DUOX1: variants seen among roughly 807,000 people sequenced by gnomAD.
DUOX1 encodes the protein NADPH thyroid oxidase 1.
DUOX1 carries 134 observed loss-of-function variants against 181.8 expected under a neutral mutation model. That is an observed-to-expected ratio of 0.74 (90% CI 0.64 to 0.85). The LOEUF (loss-of-function observed/expected upper bound fraction) is 0.85, where lower values mean the gene tolerates loss of function less well. Ranked by LOEUF, DUOX1 falls within the 40% of genes least tolerant of loss-of-function variation. DUOX1 has a pLI of 0.00. For missense variants in DUOX1, 1,814 were observed against 2,064.4 expected, an observed-to-expected ratio of 0.88 and a Z score of 2.35; for synonymous variants, 798 against 832.5, an observed-to-expected ratio of 0.96 and a Z score of 0.71.
chr15:45,139,381 G>A, intron 11 of DUOX1, 46 bp from the exon 12 acceptor site: 1 of 1,602,636 alleles, frequency 6.2e-7, no homozygotes, highest in Non-Finnish European at 8.5e-7. Flanking sequence ...GGACACTGCT[G>A]TGGTGGCCCT....
chr15:45,133,913 C>T lies in DUOX1; in HGVS notation c.108C>T (p.Tyr36=), dbSNP rs1013865936. The change falls in exon 3 of 34, where the codon TAC becomes TAT. Residue 36 remains tyrosine (Y), a synonymous_variant. Coordinates refer to ENST00000389037, the MANE Select transcript of DUOX1 (RefSeq NM_175940.3). ...AGGTGCAGCGATTTGATGGGTGGTA[C>T]AACAACCTCATGGAGCACAGATGGG... ...SWEVQRFDGW[Y]NNLMEHRWGS... 1.9e-6 allele frequency: 3 copies of T among 1,613,832 alleles called. No homozygotes were observed. In the African/African-American group the frequency reaches 4.0e-5, roughly 22 times the overall value.
rs1897159362 is a variant in DUOX1 at position 45,163,643 on chromosome 15, A to G, written c.4360A>G (p.Ile1454Val). Reference protein sequence around the residue: ...HQDLVSVHIYITQLAEKFDLR... With the variant: ...HQDLVSVHIYVTQLAEKFDLR... ...GGACCTGGTGTCTGTGCACATCTAC[A>G]TCACCCAGCTGGCTGAGAAGTTCGA... The change falls in exon 32 of 34, where the codon ATC (isoleucine) becomes GTC (valine). Residue 1454 changes from isoleucine (I) to valine (V), a missense_variant. Coordinates refer to ENST00000389037, the MANE Select transcript of DUOX1 (RefSeq NM_175940.3). 1.9e-6 allele frequency: 3 copies of G among 1,613,970 alleles called. No homozygotes were observed. The highest frequency in any genetic ancestry group is 2.5e-6 in the Non-Finnish European group (3 of 1,179,980).
intron 14 of DUOX1, 159 bp from the exon 15 acceptor site, chr15:45,141,816 G>A: frequency 3.0e-6 from 2 of 668,598 alleles, no homozygotes; most frequent in East Asian, 2.7e-5. Context: ...GATGGAGGTT[G>A]GGATTCATTT....
intron 24 of DUOX1, 56 bp downstream of exon 24, chr15:45,152,108 C>G: frequency 6.3e-7 from 1 of 1,585,328 alleles, no homozygotes; most frequent in Non-Finnish European, 8.6e-7. Flanking sequence ...GAGTGATCGC[C>G]CTGGGGGTGG....
At position 45,162,102 on chromosome 15, in the gene DUOX1, C is replaced by G. The variant is rs1897119720; in HGVS notation, c.4090-117C>G. 4.7e-6 allele frequency: 7 copies of G among 1,491,730 alleles called. No homozygotes were observed. In the East Asian group the frequency reaches 1.7e-4, roughly 35 times the overall value. The allele number at this position is 1,491,730 out of a possible 1,614,324, so 92.4% of individuals were successfully genotyped here. On this transcript the variant is annotated intron_variant, in intron 30 of 33. Transcript: ENST00000389037. ...AGACTGGTTGTTCCAGATAATGCCA[C>G]AAATCCTCCTCTTCCCCTCACTCCA...
intron 22 of DUOX1, 54 bp downstream of exon 22, chr15:45,150,755 C>G (rs150190327): frequency 1.9e-6 from 3 of 1,566,306 alleles, no homozygotes; most frequent in Non-Finnish European, 1.8e-6. Flanking sequence ...TGCCATTTCT[C>G]TCCCCTGAAT....
At chr15:45,152,544 C>A in intron 25 of DUOX1, 28 bp downstream of exon 25, 1 of 1,593,900 alleles carries the variant, frequency 6.3e-7, no homozygotes, top group Non-Finnish European at 8.6e-7. Context: ...CTGGGAGGCT[C>A]TCCAGGGCCT....
At position 45,152,484 on chromosome 15, in the gene DUOX1, G is replaced by A. The variant is rs749756685; in HGVS notation, c.3392G>A (p.Arg1131His). 4.3e-6 allele frequency: 7 copies of A among 1,613,972 alleles called. No homozygotes were observed. Among genetic ancestry groups the A allele is most frequent in the Admixed American group, 1.7e-5 (1 of 59,990 alleles). ...VPFDAAVDFH[R>H]LIASTAIVLT... is the part of the protein sequence containing the mutation. ...TTCGACGCCGCCGTGGACTTCCATC[G>A]CCTCATTGCCTCCACCGCCATCGTC... Residue 1131 changes from arginine to histidine, a missense_variant, in exon 25 of 34, where the codon CGC (arginine) becomes CAC (histidine). This residue lies in a region of DUOX1 where 1,064 missense variants were observed against 1,152.9 expected (regional missense o/e 0.92). Transcript: ENST00000389037.
intron 2 of DUOX1, among the ~76,000 whole-genome samples, chr15:45,133,100 C>A (rs1896196177): frequency 6.6e-6 from 1 of 152,230 alleles, no homozygotes; most frequent in African/African-American, 2.4e-5. Context: ...GATCCCTGCT[C>A]CATCCCTGAT....
chr15:45,133,553 C>A (rs781229847), intron 2 of DUOX1, among the ~76,000 whole-genome samples: 11 of 152,180 alleles, frequency 7.2e-5, no homozygotes, highest in Non-Finnish European at 1.3e-4. Flanking sequence ...GCATCCTATT[C>A]CCCATCACCA....
At position 45,141,403 on chromosome 15, in the gene DUOX1, G is replaced by T; in HGVS notation, c.1677G>T (p.Trp559Cys). The T allele has an allele frequency of 6.2e-7, 1 of 1,614,190 alleles. No individual in the cohort carries two copies. The highest frequency in any genetic ancestry group is 1.1e-5 in the South Asian group (1 of 91,088). The change falls in exon 14 of 34, where the codon TGG becomes TGT. Residue 559 changes from tryptophan to cysteine, a missense_variant. Coordinates refer to ENST00000389037, the MANE Select transcript of DUOX1 (RefSeq NM_175940.3). ...CTCTGCAGCCCAATGTCTTTGTCTG[G>T]CATAAAGGTGAGTGGCCAAGGGGTG... is the stretch of plus-strand genomic sequence containing the variant. Reference protein sequence around the residue: ...PSALQPNVFVWHKGDPCPQPR... With the variant: ...PSALQPNVFVCHKGDPCPQPR...
At chr15:45,164,726 T>C in intron 33 of DUOX1, 53 bp from the exon 34 acceptor site, 1 of 1,611,864 alleles carries the variant, frequency 6.2e-7, no homozygotes, top group Non-Finnish European at 8.5e-7. Context: ...GAACACTGCG[T>C]TATCCCTGCC....
Position 45,133,916 on chromosome 15 carries a change from C to T in DUOX1, c.111C>T (p.Asn37=). The change falls in exon 3 of 34, where the codon AAC becomes AAT. Residue 37 remains asparagine, a synonymous_variant. Transcript: ENST00000389037. Reference sequence around the variant, plus strand: ...TGCAGCGATTTGATGGGTGGTACAACAACCTCATGGAGCACAGATGGGGCA... The same window carrying T: ...TGCAGCGATTTGATGGGTGGTACAATAACCTCATGGAGCACAGATGGGGCA... The part of the protein sequence containing the change: ...WEVQRFDGWY[N]NLMEHRWGSK... 6.2e-7 allele frequency: 1 copy of T among 1,614,030 alleles called. No individual in the cohort carries two copies. The highest frequency in any genetic ancestry group is 8.5e-7 in the Non-Finnish European group (1 of 1,179,966).
At position 45,147,575 on chromosome 15, in the gene DUOX1, C is replaced by T. The variant is rs947570304; in HGVS notation, c.2465C>T (p.Ser822Phe). 1.2e-6 allele frequency: 2 copies of T among 1,614,016 alleles called. No individual in the cohort carries two copies. The highest frequency in any genetic ancestry group is 1.7e-6 in the Non-Finnish European group (2 of 1,179,998). The change falls in exon 19 of 34, where the codon TCC becomes TTC. Residue 822 changes from serine (S) to phenylalanine (F), a missense_variant. By Grantham distance (155) the Ser-to-Phe change is radical (BLOSUM62 -2). Transcript: ENST00000389037. ...AAGCCCCAGGACATGTTTGTGGAGT[C>T]CATGTTCTCTCTGGCTGACAAGGAT... ...GLKPQDMFVE[S>F]MFSLADKDGN... is the part of the protein sequence containing the mutation.
In DUOX1 at chr15:45,135,198, C is replaced by T. The variant is rs150063759; in HGVS notation, c.402C>T (p.Phe134=). Residue 134 remains phenylalanine, a synonymous_variant, in exon 5 of 34, where the codon TTC becomes TTT. Coordinates refer to ENST00000389037, the MANE Select transcript of DUOX1 (RefSeq NM_175940.3). ...GCATCCCGCCCGGAGACCCCATGTT[C>T]GACCCCGACCAGCGCGGGGACGTGG... The part of the protein sequence containing the change: ...NIRIPPGDPM[F]DPDQRGDVVL... The T allele has an allele frequency of 3.7e-6, 6 of 1,613,804 alleles. No homozygotes were observed. The highest frequency in any genetic ancestry group is 1.3e-5 in the African/African-American group (1 of 75,062).
chr15:45,133,988 G>C, intron 3 of DUOX1, 41 bp downstream of exon 3: 1 of 1,607,706 alleles, frequency 6.2e-7, no homozygotes, highest in South Asian at 1.1e-5. Context: ...CAGGGCCAGG[G>C]GGGTACTGAG....
intron 1 of DUOX1, among the ~76,000 whole-genome samples, chr15:45,131,020 A>C (rs1896120716): frequency 6.6e-6 from 1 of 152,174 alleles, no homozygotes; most frequent in South Asian, 2.1e-4. Context: ...TTCATTTAAT[A>C]GGAGATGGAG....
chr15:45,134,182 A>G lies in DUOX1; in HGVS notation c.180A>G (p.Ala60=). 6.4e-7 allele frequency: 1 copy of G among 1,558,188 alleles called. No individual in the cohort carries two copies. Among genetic ancestry groups the G allele is most frequent in the Non-Finnish European group, 8.6e-7 (1 of 1,156,918 alleles). Reference sequence around the variant, plus strand: ...AGCGCCTGGTCCCAGCCAGCTATGCAGATGGCGTGTACCAGCCCTTGGGAG... The same window carrying G: ...AGCGCCTGGTCCCAGCCAGCTATGCGGATGGCGTGTACCAGCCCTTGGGAG... ...RLQRLVPASY[A]DGVYQPLGEP... Residue 60 remains alanine, a synonymous_variant, in exon 4 of 34, where the codon GCA becomes GCG. Transcript: ENST00000389037.
chr15:45,148,026 G>A (rs770739718), intron 20 of DUOX1, 29 bp downstream of exon 20: 5 of 1,591,582 alleles, frequency 3.1e-6, no homozygotes, highest in Non-Finnish European at 4.3e-6. Context: ...CCAGGAGAAT[G>A]GGCCAGGGCA....
Sources: allele counts gnomAD v4.1 joint callset (sites outside exome capture counted in the v4.1 genomes callset), GRCh38; gene constraint gnomAD v4.1.1; regional missense constraint gnomAD v4.1.1; transcripts MANE v1.5; gene names NCBI Gene and HGNC (gene_info 2026-07-23, HGNC 2026-07-21).